Variants in TLN2 observed in about 807,000 individuals in gnomAD.
TLN2 encodes talin 2.
Under a neutral mutation model 294.7 loss-of-function variants are expected in TLN2, and 118 were observed. That is an observed-to-expected ratio of 0.40 (90% CI 0.34 to 0.47). The LOEUF (loss-of-function observed/expected upper bound fraction) is 0.47, where lower values mean the gene tolerates loss of function less well. TLN2 is among the 20% of genes least tolerant of loss of function. The pLI is 0.84. For synonymous variants in TLN2, 1,431 were observed against 1,304.5 expected, an observed-to-expected ratio of 1.10 and a Z score of -2.09; for missense variants, 3,083 against 3,282.2, an observed-to-expected ratio of 0.94 and a Z score of 1.48.
intron 1 of TLN2, among the ~76,000 whole-genome samples, chr15:62,504,247 A>G (rs1406139723): frequency 6.6e-6 from 1 of 152,204 alleles, no homozygotes; most frequent in Admixed American, 6.5e-5. Flanking sequence ...ATCTCACCAA[A>G]TTGATCTATA....
intron 1 of TLN2, among the ~76,000 whole-genome samples, chr15:62,426,949 C>T (rs1566962639): frequency 6.6e-6 from 1 of 152,102 alleles, no homozygotes; most frequent in Non-Finnish European, 1.5e-5. Context: ...AGTAACAAGC[C>T]ACCCAGACGG....
rs3751527 is a variant in TLN2, at chr15:62,843,409, G to A, written c.*2799G>A. 29,908 of 152,196 alleles carry A rather than the reference G, an allele frequency of 0.2. 3,187 individuals are homozygous for A. The highest frequency in any genetic ancestry group is 0.37 in the South Asian group (1,779 of 4,818). 9.4% of individuals were successfully genotyped at this position (152,196 alleles called of 1,614,324 possible). On this transcript the variant is annotated 3_prime_UTR_variant, in exon 59 of 59. Coordinates refer to ENST00000636159, the MANE Select transcript of TLN2 (RefSeq NM_015059.3). Reference sequence around the variant, plus strand: ...AGTTCAATGAACAGCCCTTGTTTAAGTTTTGCCAGTGTCCAGCCAGCTGTG... The same window carrying A: ...AGTTCAATGAACAGCCCTTGTTTAAATTTTGCCAGTGTCCAGCCAGCTGTG...
chr15:62,470,933 T>C (rs1234912712), intron 1 of TLN2, among the ~76,000 whole-genome samples: 1 of 152,234 alleles, frequency 6.6e-6, no homozygotes, highest in East Asian at 1.9e-4. Context: ...TTCTGGGACA[T>C]TGCTAATTTG....
At chr15:62,722,177 G>A (rs1430876158) in intron 25 of TLN2, among the ~76,000 whole-genome samples, 176 bp from the exon 26 acceptor site, 1 of 152,066 alleles carries the variant, frequency 6.6e-6, no homozygotes, top group African/African-American at 2.4e-5. Context: ...AGAAGGTACT[G>A]CCCTAGAGTA....
intron 1 of TLN2, among the ~76,000 whole-genome samples, chr15:62,421,133 A>T (rs529559969): frequency 1.2e-4 from 18 of 152,302 alleles, no homozygotes; most frequent in Non-Finnish European, 2.1e-4. Flanking sequence ...AGTTATAGAG[A>T]TAAAAACTCC....
chr15:62,703,014 T>A (rs1046305882), intron 19 of TLN2, 150 bp downstream of exon 19: 2 of 697,714 alleles, frequency 2.9e-6, no homozygotes, highest in Non-Finnish European at 4.7e-6. Context: ...TGAGGTCTTT[T>A]TGTGTTACCA....
intron 22 of TLN2, among the ~76,000 whole-genome samples, chr15:62,715,371 C>G (rs1027732224): frequency 6.6e-6 from 1 of 152,196 alleles, no homozygotes; most frequent in African/African-American, 2.4e-5. Flanking sequence ...GGAAGAAACT[C>G]ATTGATCTAT....
At chr15:62,595,161 G>A (rs913671535) in intron 2 of TLN2, among the ~76,000 whole-genome samples, 2 of 152,154 alleles carry the variant, frequency 1.3e-5, no homozygotes, top group East Asian at 1.9e-4. Context: ...GGTGGCTCAC[G>A]CCTGTATCCC....
At chr15:62,695,986 A>G (rs1416791235) in intron 14 of TLN2, among the ~76,000 whole-genome samples, 3 of 152,206 alleles carry the variant, frequency 2.0e-5, no homozygotes, top group African/African-American at 7.2e-5. Flanking sequence ...TGATCAAGGC[A>G]AGCAGGAAGA....
intron 1 of TLN2, among the ~76,000 whole-genome samples, chr15:62,476,954 G>T (rs553806565): frequency 6.6e-6 from 1 of 152,052 alleles, no homozygotes; most frequent in Non-Finnish European, 1.5e-5. Context: ...TGATCCTTCC[G>T]TGTGTCTGTC....
At chr15:62,751,513 T>C (rs1333427315) in intron 34 of TLN2, among the ~76,000 whole-genome samples, 1 of 152,250 alleles carries the variant, frequency 6.6e-6, no homozygotes, top group Non-Finnish European at 1.5e-5. Context: ...TTTAGGGAAT[T>C]TGTTCCCTTC....
chr15:62,506,075 G>A (rs557936303), intron 1 of TLN2, among the ~76,000 whole-genome samples: 1 of 152,276 alleles, frequency 6.6e-6, no homozygotes, highest in Admixed American at 6.5e-5. Context: ...ATAAAGATCT[G>A]GCCCGAATGG....
At chr15:62,399,102 C>T (rs184227951) in intron 1 of TLN2, among the ~76,000 whole-genome samples, 15 of 151,812 alleles carry the variant, frequency 9.9e-5, no homozygotes, top group African/African-American at 2.2e-4. Flanking sequence ...AGCCCCAAGC[C>T]GTGGCAGCTT....
chr15:62,605,783 A>G (rs1456997334), intron 2 of TLN2, among the ~76,000 whole-genome samples: 1 of 152,208 alleles, frequency 6.6e-6, no homozygotes, highest in Non-Finnish European at 1.5e-5. Context: ...GTAGCAGCAA[A>G]GAGATCTGGG....
chr15:62,497,663 A>G (rs1264987689), intron 1 of TLN2, among the ~76,000 whole-genome samples: 1 of 152,238 alleles, frequency 6.6e-6, no homozygotes, highest in African/African-American at 2.4e-5. Flanking sequence ...GCCTAGTTGC[A>G]ATATGATTTT....
chr15:62,798,548 A>T (rs2065690229), intron 48 of TLN2, among the ~76,000 whole-genome samples: 1 of 151,730 alleles, frequency 6.6e-6, no homozygotes, highest in African/African-American at 2.4e-5. Context: ...AAAAAACAAA[A>T]ACAAAACAAA....
chr15:62,778,607 T>G (rs868327558), intron 43 of TLN2, among the ~76,000 whole-genome samples: 16 of 152,246 alleles, frequency 1.1e-4, no homozygotes, highest in African/African-American at 3.9e-4. Flanking sequence ...TGTGATGGGC[T>G]GTGGACAGAG....
At chr15:62,631,143 T>G (rs1457438861) in intron 3 of TLN2, among the ~76,000 whole-genome samples, 8 of 152,138 alleles carry the variant, frequency 5.3e-5, no homozygotes, top group Admixed American at 5.2e-4. Context: ...CAGCTTCCTA[T>G]GAGTTCCGCA....
At chr15:62,393,437 A>C (rs970739850) in intron 1 of TLN2, among the ~76,000 whole-genome samples, 4 of 152,138 alleles carry the variant, frequency 2.6e-5, no homozygotes, top group Admixed American at 2.6e-4. Context: ...TTTTAAGTGA[A>C]ATTAGGGTTT....
Sources: gnomAD v4.1 joint callset for allele counts (sites outside exome capture counted in the v4.1 genomes callset) on GRCh38, gnomAD v4.1.1 for gene constraint, MANE v1.5 for transcripts, NCBI Gene and HGNC (gene_info 2026-07-23, HGNC 2026-07-21) for gene names.